Variants in GRM7 observed in about 807,000 individuals in gnomAD.
The protein encoded by GRM7 is metabotropic glutamate receptor 7.
In GRM7, 35 loss-of-function variants were observed where a neutral mutation model predicts 84.5. The ratio of observed to expected loss-of-function variants is 0.41; its 90% confidence interval spans 0.32 to 0.55. The LOEUF (loss-of-function observed/expected upper bound fraction) is 0.55. Among genes scored for constraint, GRM7 ranks in the 20% least tolerant of loss-of-function variants. The pLI is 0.19. For missense variants in GRM7, 1,003 were observed against 1,194.6 expected (o/e 0.84, Z 2.36); for synonymous variants, 487 against 455.1 (o/e 1.07, Z -0.89).
intron 1 of GRM7, among the ~76,000 whole-genome samples, chr3:7,017,590 G>C (rs1043041132): frequency 1.3e-5 from 2 of 152,120 alleles, no homozygotes; most frequent in Admixed American, 1.3e-4. Flanking sequence ...TCCCGAATCC[G>C]ATGTCGATAA....
At chr3:6,925,699 T>C (rs1274688461) in intron 1 of GRM7, among the ~76,000 whole-genome samples, 2 of 152,206 alleles carry the variant, frequency 1.3e-5, no homozygotes, top group Admixed American at 1.3e-4. Context: ...ATTTAACTCA[T>C]CCTGTATATA....
intron 2 of GRM7, among the ~76,000 whole-genome samples, chr3:7,231,648 C>A (rs1697199065): frequency 6.6e-6 from 1 of 152,172 alleles, no homozygotes; most frequent in Non-Finnish European, 1.5e-5. Context: ...GATCTAAGGA[C>A]TTTCCATGCA....
chr3:7,046,081 A>G (rs1696797836), intron 1 of GRM7, among the ~76,000 whole-genome samples: 1 of 152,084 alleles, frequency 6.6e-6, no homozygotes, highest in Admixed American at 6.6e-5. Context: ...GGTGTGAGGT[A>G]ATATATATTG....
At chr3:7,306,884 TTC>T (rs976383071) in intron 4 of GRM7, among the ~76,000 whole-genome samples, 2 of 152,190 alleles carry the variant, frequency 1.3e-5, no homozygotes, top group East Asian at 3.9e-4. Context: ...AGCAAAAACA[TTC>T]TTTCTTTTTC....
chr3:7,208,909 C>G (rs973190665), intron 2 of GRM7, among the ~76,000 whole-genome samples: 4 of 152,120 alleles, frequency 2.6e-5, no homozygotes, highest in Non-Finnish European at 5.9e-5. Flanking sequence ...GTTGAATGTA[C>G]CTTCCACAAG....
chr3:6,968,821 C>A (rs1314625423), intron 1 of GRM7, among the ~76,000 whole-genome samples: 1 of 152,118 alleles, frequency 6.6e-6, no homozygotes, highest in Non-Finnish European at 1.5e-5. Context: ...GGCACTTAAC[C>A]ATTGTTACCC....
intron 1 of GRM7, among the ~76,000 whole-genome samples, chr3:6,984,273 CCTT>C (rs949707216): frequency 2.6e-5 from 4 of 152,068 alleles, no homozygotes; most frequent in Non-Finnish European, 5.9e-5. Flanking sequence ...TTATTATTAT[CCTT>C]ATTATTGTAC....
intron 8 of GRM7, among the ~76,000 whole-genome samples, chr3:7,627,683 G>A (rs1697677864): frequency 6.6e-6 from 1 of 152,136 alleles, no homozygotes; most frequent in South Asian, 2.1e-4. Context: ...GGAAACAACA[G>A]AAATTTATTT....
intron 2 of GRM7, among the ~76,000 whole-genome samples, chr3:7,276,331 C>A (rs1472199129): frequency 6.6e-6 from 1 of 150,872 alleles, no homozygotes; most frequent in Non-Finnish European, 1.5e-5. Flanking sequence ...ATTCCAAAGT[C>A]ATGAATTCCA....
rs981350223 is a variant in GRM7 at position 7,188,573 on chromosome 3, G to A, written c.736+41905G>A. ...AAAATGTTGCCTGATCCCTGCAGGT[G>A]AAAGATGTAAGGAATAATGAGAAAA... is the stretch of plus-strand genomic sequence containing the variant. On this transcript the variant is annotated intron_variant, in intron 2 of 9. Coordinates refer to ENST00000357716, the MANE Select transcript of GRM7 (RefSeq NM_000844.4). The surrounding 1 kb of genome is among the most constrained non-coding windows in gnomAD (Gnocchi z 4.2). Among the ~76,000 whole-genome samples, 7 of 152,156 alleles carry A rather than the reference G, an allele frequency of 4.6e-5. No homozygotes were observed. The highest frequency in any genetic ancestry group is 1.7e-4 in the African/African-American group (7 of 41,450).
chr3:7,593,455 A>G (rs1202894195), intron 8 of GRM7, among the ~76,000 whole-genome samples: 4 of 152,320 alleles, frequency 2.6e-5, no homozygotes, highest in South Asian at 4.1e-4. Context: ...AAGTGAGACA[A>G]TATGCAAACA....
chr3:7,562,900 A>G (rs978260288), intron 7 of GRM7, among the ~76,000 whole-genome samples: 2 of 152,172 alleles, frequency 1.3e-5, no homozygotes, highest in African/African-American at 2.4e-5. Flanking sequence ...AGTTTTCATT[A>G]TAATGAAATG....
intron 8 of GRM7, chr3:7,607,062 T>C (rs1408914900): frequency 6.6e-6 from 1 of 152,176 alleles, no homozygotes; most frequent in Non-Finnish European, 1.5e-5. Context: ...ATTCAGGCAT[T>C]ATAAAAACCA....
intron 4 of GRM7, among the ~76,000 whole-genome samples, chr3:7,394,967 G>T (rs2125148570): frequency 6.6e-6 from 1 of 151,850 alleles, no homozygotes; most frequent in African/African-American, 2.4e-5. Flanking sequence ...GAACCCAGGA[G>T]GTGGAGGTTG....
At chr3:6,890,388 T>C (rs998637317) in intron 1 of GRM7, among the ~76,000 whole-genome samples, 1 of 152,360 alleles carries the variant, frequency 6.6e-6, no homozygotes, top group East Asian at 1.9e-4. Flanking sequence ...AATTTCTCTC[T>C]ACACACTGCT....
At chr3:7,655,490 A>C (rs896157179) in intron 8 of GRM7, among the ~76,000 whole-genome samples, 11 of 152,202 alleles carry the variant, frequency 7.2e-5, no homozygotes, top group African/African-American at 2.7e-4. Context: ...TTTTCCCAAT[A>C]AGGTCACTTT....
intron 2 of GRM7, among the ~76,000 whole-genome samples, chr3:7,277,477 C>T (rs1254925456): frequency 6.6e-6 from 1 of 151,922 alleles, no homozygotes; most frequent in African/African-American, 2.4e-5. Flanking sequence ...TTGGAGCTAC[C>T]ACTTTTTTAT....
intron 8 of GRM7, among the ~76,000 whole-genome samples, chr3:7,658,329 A>G (rs1699290292): frequency 6.6e-6 from 1 of 152,254 alleles, no homozygotes; most frequent in South Asian, 2.1e-4. Context: ...AAAAAGTCAG[A>G]GAGGGAAAAT....
In GRM7 at chr3:7,184,909, A is replaced by G. The variant is rs1695463906; in HGVS notation, c.736+38241A>G. 2.0e-5 allele frequency among the ~76,000 whole-genome samples: 3 copies of G among 152,310 alleles called. No individual in the cohort carries two copies. In the South Asian group the frequency reaches 6.2e-4, roughly 32 times the overall value. On this transcript the variant is annotated intron_variant, in intron 2 of 9. Transcript: ENST00000357716. ...TGCCAGTAATAGTAATAATGATCAG[A>G]AGAAAAAGAAAATATTAATATTATT...
Sources: gnomAD v4.1 joint callset for allele counts (sites outside exome capture counted in the v4.1 genomes callset) on GRCh38, gnomAD v4.1.1 for gene constraint, Gnocchi (gnomAD v3.1) non-coding constraint, MANE v1.5 for transcripts, NCBI Gene and HGNC (gene_info 2026-07-23, HGNC 2026-07-21) for gene names.